RALYL: variants seen among roughly 807,000 people sequenced by gnomAD.
RALYL encodes RALY RNA binding protein like.
In RALYL, 29 loss-of-function variants were observed where a neutral mutation model predicts 35.1. The ratio of observed to expected loss-of-function variants is 0.83; its 90% CI spans 0.61 to 1.13. RALYL has a LOEUF of 1.13. RALYL is among the 50% of genes most tolerant of loss of function. RALYL has a pLI of 0.00. For missense variants in RALYL, 359 were observed against 360.4 expected, an observed-to-expected ratio of 1.00 and a Z score of 0.03; for synonymous variants, 120 against 127.6, an observed-to-expected ratio of 0.94 and a Z score of 0.40.
chr8:84,466,866 C>T (rs1168431634), intron 1 of RALYL, among the ~76,000 whole-genome samples: 2 of 150,972 alleles, frequency 1.3e-5, no homozygotes, highest in African/African-American at 4.8e-5. Flanking sequence ...CTGGTTTAGT[C>T]TTGGGAGAGT....
chr8:84,618,514 A>T (rs1322917151), intron 2 of RALYL, among the ~76,000 whole-genome samples: 3 of 139,300 alleles, frequency 2.2e-5, no homozygotes, highest in Non-Finnish European at 4.6e-5. Context: ...CTAGCGGTCT[A>T]TCAATTTTGT....
At chr8:84,544,465 T>C (rs2060224859) in intron 2 of RALYL, among the ~76,000 whole-genome samples, 1 of 152,060 alleles carries the variant, frequency 6.6e-6, no homozygotes, top group African/African-American at 2.4e-5. Context: ...TTTCATATCT[T>C]TTGGAGATAC....
chr8:84,690,420 G>T (rs1000474583), intron 2 of RALYL, among the ~76,000 whole-genome samples: 1 of 152,088 alleles, frequency 6.6e-6, no homozygotes, highest in Non-Finnish European at 1.5e-5. Context: ...GTATAAAGTT[G>T]CAGTTTTGCA....
chr8:84,261,657 A>G (rs1391503145), intron 1 of RALYL, among the ~76,000 whole-genome samples: 1 of 152,164 alleles, frequency 6.6e-6, no homozygotes, highest in Non-Finnish European at 1.5e-5. Flanking sequence ...TCTATAGAAC[A>G]CTATTTTGAA....
chr8:84,845,060 T>A lies in RALYL; in HGVS notation c.366-4920T>A, dbSNP rs191639594. Among the ~76,000 whole-genome samples, 286 of 152,276 alleles carry A rather than the reference T, an allele frequency of 1.9e-3. 3 individuals are homozygous for A. The highest frequency in any genetic ancestry group is 6.7e-3 in the African/African-American group (280 of 41,546). ...GTGCAGCACACCCACACGGCACATG[T>A]ATATGTATGTAACTAACCTGCACGT... On this transcript the variant is annotated intron_variant, in intron 4 of 8. Coordinates refer to ENST00000521268, the MANE Select transcript of RALYL (RefSeq NM_173848.7).
intron 1 of RALYL, among the ~76,000 whole-genome samples, chr8:84,347,501 C>T (rs1586495639): frequency 6.6e-6 from 1 of 152,032 alleles, no homozygotes; most frequent in Non-Finnish European, 1.5e-5. Flanking sequence ...TTAGATCCTT[C>T]CTAATCTGCC....
intron 1 of RALYL, among the ~76,000 whole-genome samples, chr8:84,254,956 G>A (rs1830947043): frequency 1.3e-5 from 2 of 151,828 alleles, no homozygotes; most frequent in South Asian, 4.2e-4. Context: ...CGAACAGCAT[G>A]GGGGAAACTG....
At chr8:84,229,138 T>C (rs1010694125) in intron 1 of RALYL, among the ~76,000 whole-genome samples, 1 of 152,180 alleles carries the variant, frequency 6.6e-6, no homozygotes, top group Non-Finnish European at 1.5e-5. Context: ...ATGCATTTAG[T>C]CAATTAATCA....
chr8:84,874,882 A>G (rs1271958197), intron 7 of RALYL, among the ~76,000 whole-genome samples: 2 of 152,140 alleles, frequency 1.3e-5, no homozygotes, highest in Admixed American at 6.5e-5. Flanking sequence ...GTAGCAACAC[A>G]CCCATGTACA....
At chr8:84,290,879 G>GTAATACTTTTGATATGTA (rs1263723787) in intron 1 of RALYL, among the ~76,000 whole-genome samples, 2 of 152,132 alleles carry the variant, frequency 1.3e-5, no homozygotes, top group East Asian at 3.9e-4. Flanking sequence ...TGAAATTACT[G>GTAATACTTTTGATATGTA]TAATACTTTT....
chr8:84,498,894 A>G (rs1294270770), intron 1 of RALYL, among the ~76,000 whole-genome samples: 1 of 152,124 alleles, frequency 6.6e-6, no homozygotes, highest in Non-Finnish European at 1.5e-5. Context: ...CAGCATAATA[A>G]TATTCATAGT....
chr8:84,445,550 G>A (rs1468944267), intron 1 of RALYL, among the ~76,000 whole-genome samples: 3 of 151,086 alleles, frequency 2.0e-5, no homozygotes, highest in Non-Finnish European at 4.4e-5. Context: ...ATGTTTGTTT[G>A]GAAATTAAAT....
chr8:84,413,663 C>T (rs955640806), intron 1 of RALYL, among the ~76,000 whole-genome samples: 5 of 151,914 alleles, frequency 3.3e-5, no homozygotes, highest in African/African-American at 1.2e-4. Flanking sequence ...CATAAAAGTG[C>T]CAAGTTATTA....
chr8:84,801,307 C>CTT (rs1358621506), intron 3 of RALYL, among the ~76,000 whole-genome samples: 1 of 152,114 alleles, frequency 6.6e-6, no homozygotes, highest in Non-Finnish European at 1.5e-5. Context: ...GACCAATAAT[C>CTT]TTTTTTTCTT....
intron 1 of RALYL, among the ~76,000 whole-genome samples, chr8:84,424,483 C>G (rs1279943404): frequency 6.8e-6 from 1 of 146,024 alleles, no homozygotes; most frequent in Non-Finnish European, 1.5e-5. Context: ...AACTTCTTTG[C>G]CTTCGGTTTG....
intron 1 of RALYL, among the ~76,000 whole-genome samples, chr8:84,516,027 C>A (rs899544217): frequency 2.6e-4 from 1 of 3,812 alleles, no homozygotes; most frequent in African/African-American, 1.0e-3. Flanking sequence ...GGGTAGGGGG[C>A]GGTGTGGGGT....
At position 84,352,191 on chromosome 8, in the gene RALYL, G is replaced by T. The variant is rs1586533989; in HGVS notation, c.-24+167767G>T. On this transcript the variant is annotated intron_variant, in intron 1 of 8. Transcript: ENST00000521268. Reference sequence around the variant, plus strand: ...TTCCCCTCCAATTTGCTATTTCAGTGCTAGTAATATAAATCCATTGCTAAA... The same window carrying T: ...TTCCCCTCCAATTTGCTATTTCAGTTCTAGTAATATAAATCCATTGCTAAA... Among the ~76,000 whole-genome samples, 3 of 150,184 alleles carry T rather than the reference G, an allele frequency of 2.0e-5. No homozygotes were observed. The South Asian group carries it at 6.3e-4, about 31-fold the overall frequency.
chr8:84,778,772 A>G (rs534293763), intron 3 of RALYL, among the ~76,000 whole-genome samples: 1 of 152,332 alleles, frequency 6.6e-6, no homozygotes, highest in South Asian at 2.1e-4. Flanking sequence ...CCACTTAAAC[A>G]TGGTGACTGA....
intron 2 of RALYL, among the ~76,000 whole-genome samples, chr8:84,715,072 C>A (rs567751637): frequency 5.3e-5 from 8 of 151,930 alleles, no homozygotes; most frequent in African/African-American, 1.9e-4. Flanking sequence ...CTACCTTCAA[C>A]TAAACTTACA....
Sources: gnomAD v4.1 joint callset for allele counts (sites outside exome capture counted in the v4.1 genomes callset) on GRCh38, gnomAD v4.1.1 for gene constraint, MANE v1.5 for transcripts, NCBI Gene and HGNC (gene_info 2026-07-23, HGNC 2026-07-21) for gene names.